KCNH1: variants seen among roughly 807,000 people sequenced by gnomAD.
KCNH1 encodes the protein voltage-gated delayed rectifier potassium channel KCNH1.
Under a neutral mutation model 69.2 loss-of-function variants are expected in KCNH1, and 27 were observed. The ratio of observed to expected loss-of-function variants is 0.39; its 90% CI spans 0.29 to 0.54. KCNH1 has a LOEUF of 0.54. Ranked by LOEUF, KCNH1 falls within the 20% of genes least tolerant of loss-of-function variation. KCNH1 has a pLI of 0.68. For missense variants in KCNH1, 798 were observed against 1,261.6 expected, an observed-to-expected ratio of 0.63 and a Z score of 5.57; for synonymous variants, 456 against 487.7, an observed-to-expected ratio of 0.93 and a Z score of 0.86.
intron 6 of KCNH1, among the ~76,000 whole-genome samples, chr1:210,929,466 A>C (rs1687639067): frequency 6.6e-6 from 1 of 152,228 alleles, no homozygotes; most frequent in Non-Finnish European, 1.5e-5. Context: ...AGCATCTGAC[A>C]AAATTCAGCA....
chr1:211,060,796 T>C (rs1374158858), intron 5 of KCNH1, among the ~76,000 whole-genome samples: 1 of 152,068 alleles, frequency 6.6e-6, no homozygotes, highest in East Asian at 1.9e-4. Flanking sequence ...CAGTTACAAG[T>C]AATGAGATCA....
At chr1:210,843,147 C>T (rs923396784) in intron 7 of KCNH1, among the ~76,000 whole-genome samples, 55 of 152,146 alleles carry the variant, frequency 3.6e-4, no homozygotes, top group South Asian at 2.1e-4. Context: ...GCTCTCTTAG[C>T]GGAAGCAAGA....
intron 9 of KCNH1, among the ~76,000 whole-genome samples, chr1:210,778,751 A>G (rs1310338617): frequency 6.6e-6 from 1 of 152,186 alleles, no homozygotes; most frequent in East Asian, 1.9e-4. Context: ...TCCTATTGGG[A>G]TGAAATGTGG....
At chr1:210,986,895 A>C (rs1176415365) in intron 6 of KCNH1, among the ~76,000 whole-genome samples, 2 of 152,150 alleles carry the variant, frequency 1.3e-5, no homozygotes, top group Non-Finnish European at 2.9e-5. Flanking sequence ...ACTTGGTTCC[A>C]TTCTCCCCAT....
intron 4 of KCNH1, among the ~76,000 whole-genome samples, chr1:211,083,252 T>C (rs1460759267): frequency 6.6e-6 from 1 of 152,216 alleles, no homozygotes; most frequent in African/African-American, 2.4e-5. Flanking sequence ...GAAGATAATA[T>C]CGGGTAATTG....
intron 6 of KCNH1, among the ~76,000 whole-genome samples, chr1:211,009,136 G>T (rs1689346737): frequency 6.6e-6 from 1 of 152,132 alleles, no homozygotes; most frequent in Admixed American, 6.5e-5. Context: ...CCACCATTGT[G>T]GATTTTATTG....
intron 6 of KCNH1, among the ~76,000 whole-genome samples, chr1:210,987,644 G>GT (rs1294647059): frequency 6.6e-6 from 1 of 152,174 alleles, no homozygotes; most frequent in African/African-American, 2.4e-5. Flanking sequence ...TCCTCTGGAA[G>GT]TTTTGTCTCA....
At chr1:210,982,284 T>C (rs1688726994) in intron 6 of KCNH1, among the ~76,000 whole-genome samples, 1 of 151,932 alleles carries the variant, frequency 6.6e-6, no homozygotes, top group Non-Finnish European at 1.5e-5. Context: ...GGTAATAAAC[T>C]TTAGGGTAAA....
rs181043957 is a variant in KCNH1 at position 210,972,713 on chromosome 1, A to G, written c.1032+46070T>C. ...GCCTGCTTCACTGGAAAAAGTCTAT[A>G]TCTACTGGTTAAATGTGTATTCAAG... On this transcript the variant is annotated intron_variant, in intron 6 of 10. Coordinates refer to ENST00000271751, the MANE Select transcript of KCNH1 (RefSeq NM_172362.3). Among the ~76,000 whole-genome samples, 8 of 152,216 alleles carry G rather than the reference A, an allele frequency of 5.3e-5. No homozygotes were observed. In the East Asian group the frequency reaches 1.3e-3, roughly 26 times the overall value.
intron 3 of KCNH1, among the ~76,000 whole-genome samples, chr1:211,099,434 T>C (rs550352011): frequency 6.6e-6 from 1 of 152,232 alleles, no homozygotes; most frequent in African/African-American, 2.4e-5. Flanking sequence ...AACTTTTCCC[T>C]CATAGAACTC....
At chr1:211,086,109 T>C (rs1690947600) in intron 4 of KCNH1, among the ~76,000 whole-genome samples, 3 of 152,226 alleles carry the variant, frequency 2.0e-5, no homozygotes, top group Non-Finnish European at 4.4e-5. Flanking sequence ...CGCAGGTGTT[T>C]CCTTGTGTCT....
chr1:210,741,190 A>T (rs1683020566), intron 10 of KCNH1, among the ~76,000 whole-genome samples: 1 of 152,246 alleles, frequency 6.6e-6, no homozygotes, highest in Non-Finnish European at 1.5e-5. Flanking sequence ...ATGCCGTCAC[A>T]TGATCCATGA....
chr1:211,086,163 G>A (rs1690948598), intron 4 of KCNH1, among the ~76,000 whole-genome samples: 1 of 152,158 alleles, frequency 6.6e-6, no homozygotes, highest in African/African-American at 2.4e-5. Flanking sequence ...GAATACAATA[G>A]GTATATTGGA....
chr1:210,906,885 C>T (rs1225909544), intron 7 of KCNH1, among the ~76,000 whole-genome samples: 1 of 152,148 alleles, frequency 6.6e-6, no homozygotes, highest in African/African-American at 2.4e-5. Context: ...TCATGGATAG[C>T]TGGAGGCTAG....
At chr1:211,087,204 T>C (rs1690969003) in intron 4 of KCNH1, among the ~76,000 whole-genome samples, 1 of 152,218 alleles carries the variant, frequency 6.6e-6, no homozygotes, top group African/African-American at 2.4e-5. Context: ...TCTCTGGCTC[T>C]TAGAAACCTA....
At chr1:211,024,774 A>G (rs565866083) in intron 5 of KCNH1, among the ~76,000 whole-genome samples, 150 of 152,146 alleles carry the variant, frequency 9.9e-4, no homozygotes, top group African/African-American at 3.2e-3. Context: ...TCTGCAGTAT[A>G]GCCAGCTGGA....
chr1:210,978,644 A>T (rs1370898892), intron 6 of KCNH1, among the ~76,000 whole-genome samples: 3 of 152,248 alleles, frequency 2.0e-5, no homozygotes, highest in African/African-American at 7.2e-5. Context: ...TGTCTCCCTC[A>T]GTGTGTGTGG....
At chr1:211,072,295 T>C (rs1690659976) in intron 5 of KCNH1, among the ~76,000 whole-genome samples, 1 of 151,900 alleles carries the variant, frequency 6.6e-6, no homozygotes, top group East Asian at 1.9e-4. Context: ...AAAGGAAAAA[T>C]AGACTTTCTC....
At chr1:210,988,186 C>T (rs1276711420) in intron 6 of KCNH1, among the ~76,000 whole-genome samples, 1 of 152,204 alleles carries the variant, frequency 6.6e-6, no homozygotes, top group Non-Finnish European at 1.5e-5. Context: ...TCTGTCACCC[C>T]TTTCTCTGAC....
Sources: gnomAD v4.1 joint callset for allele counts (sites outside exome capture counted in the v4.1 genomes callset) on GRCh38, gnomAD v4.1.1 for gene constraint, MANE v1.5 for transcripts, NCBI Gene and HGNC (gene_info 2026-07-23, HGNC 2026-07-21) for gene names.